Variants in CHP1 observed in about 807,000 individuals in gnomAD.
CHP1 encodes the protein calcineurin like EF-hand protein 1.
Under a neutral mutation model 27.4 loss-of-function variants are expected in CHP1, and 11 were observed. That is an observed-to-expected ratio of 0.40 (90% confidence interval 0.25 to 0.67). The LOEUF is 0.67. Ranked by LOEUF, CHP1 falls within the 30% of genes least tolerant of loss-of-function variation. CHP1 has a pLI of 0.38. For synonymous variants in CHP1, 89 were observed against 87.4 expected (o/e 1.02, Z -0.10); for missense variants, 169 against 251.3 (o/e 0.67, Z 2.22).
chr15:41,278,634 TTATTATGCAGTGCATGACTG>T, intron 5 of CHP1, 113 bp from the exon 6 acceptor site: 1 of 1,026,792 alleles, frequency 9.7e-7, no homozygotes, highest in Non-Finnish European at 1.4e-6. Flanking sequence ...AACCAAAACA[TTATTATGCAGTGCATGACTG>T]TATTTGAGGG....
chr15:41,276,086 C>T (rs2047518326), intron 5 of CHP1, among the ~76,000 whole-genome samples: 1 of 151,828 alleles, frequency 6.6e-6, no homozygotes, highest in African/African-American at 2.4e-5. Flanking sequence ...ACTAAAAATA[C>T]AAAAATTAGC....
chr15:41,258,907 G>C (rs949916711), intron 3 of CHP1, among the ~76,000 whole-genome samples: 1 of 152,186 alleles, frequency 6.6e-6, no homozygotes, highest in African/African-American at 2.4e-5. Context: ...TGAGAGCAAA[G>C]GAATTTGCTA....
intron 2 of CHP1, among the ~76,000 whole-genome samples, chr15:41,251,972 C>T (rs2047370779): frequency 6.6e-6 from 1 of 151,976 alleles, no homozygotes; most frequent in Admixed American, 6.6e-5. Context: ...AAACTCCTGA[C>T]CTCAGGCGAT....
chr15:41,258,101 T>C (rs901280759), intron 3 of CHP1, among the ~76,000 whole-genome samples: 5 of 152,204 alleles, frequency 3.3e-5, no homozygotes, highest in Non-Finnish European at 7.3e-5. Context: ...TATACATACA[T>C]ACATGCCTAC....
intron 3 of CHP1, among the ~76,000 whole-genome samples, chr15:41,262,010 A>T (rs1486120169): frequency 6.9e-6 from 1 of 145,952 alleles, no homozygotes; most frequent in African/African-American, 2.6e-5. Context: ...AAAAAAAAAA[A>T]TACAAAAAAT....
intron 2 of CHP1, among the ~76,000 whole-genome samples, chr15:41,252,932 T>G (rs1304733308): frequency 2.5e-5 from 3 of 119,222 alleles, no homozygotes; most frequent in South Asian, 3.1e-4. Flanking sequence ...ACATGGTTTT[T>G]TTTTTTTTTT....
chr15:41,253,148 A>G (rs1268582604), intron 2 of CHP1, among the ~76,000 whole-genome samples: 2 of 151,734 alleles, frequency 1.3e-5, no homozygotes, highest in African/African-American at 2.4e-5. Flanking sequence ...CATGTTGGCC[A>G]GGATGGTCTT....
intron 2 of CHP1, among the ~76,000 whole-genome samples, chr15:41,254,090 G>A (rs1374363699): frequency 6.6e-6 from 1 of 151,996 alleles, no homozygotes; most frequent in African/African-American, 2.4e-5. Context: ...GCCATACCCA[G>A]CCCTCTTTCT....
intron 2 of CHP1, 74 bp from the exon 3 acceptor site, chr15:41,256,836 T>C (rs2140933827): frequency 3.3e-6 from 4 of 1,221,864 alleles, no homozygotes; most frequent in East Asian, 2.3e-5. Flanking sequence ...GGTTACACCC[T>C]GTTACCTCCT....
At chr15:41,248,336 T>C (rs1011239220) in intron 2 of CHP1, among the ~76,000 whole-genome samples, 4 of 152,072 alleles carry the variant, frequency 2.6e-5, no homozygotes, top group Non-Finnish European at 5.9e-5. Flanking sequence ...TTTTTACTTT[T>C]AGCAAAAAAG....
At chr15:41,249,046 A>C (rs2047350302) in intron 2 of CHP1, among the ~76,000 whole-genome samples, 1 of 152,156 alleles carries the variant, frequency 6.6e-6, no homozygotes, top group African/African-American at 2.4e-5. Context: ...TAGTAGAATG[A>C]TCCAGTTCTC....
intron 2 of CHP1, among the ~76,000 whole-genome samples, chr15:41,249,511 C>T (rs757587102): frequency 2.5e-5 from 3 of 120,598 alleles, no homozygotes; most frequent in Non-Finnish European, 3.2e-5. Context: ...CTCGCTCTGT[C>T]GTCCAGGCTG....
intron 4 of CHP1, among the ~76,000 whole-genome samples, chr15:41,267,656 C>T (rs1227338786): frequency 6.7e-6 from 1 of 149,662 alleles, no homozygotes; most frequent in African/African-American, 2.5e-5. Context: ...AGCAAGACTC[C>T]GTCTCCCAAA....
intron 1 of CHP1, among the ~76,000 whole-genome samples, chr15:41,239,038 C>A (rs1245802404): frequency 6.6e-6 from 1 of 152,106 alleles, no homozygotes; most frequent in Admixed American, 6.6e-5. Context: ...GTTCCAGTAC[C>A]TTTCTACACA....
At chr15:41,275,303 C>A (rs1305627287) in intron 5 of CHP1, among the ~76,000 whole-genome samples, 1 of 151,812 alleles carries the variant, frequency 6.6e-6, no homozygotes, top group Non-Finnish European at 1.5e-5. Flanking sequence ...TACAGGTGCC[C>A]GCCACCATGC....
At chr15:41,270,474 G>T in intron 4 of CHP1, 83 bp from the exon 5 acceptor site, 1 of 1,009,874 alleles carries the variant, frequency 9.9e-7, no homozygotes, top group Non-Finnish European at 1.6e-6. Flanking sequence ...TCAGTTTTCT[G>T]TCTAGTGTCT....
chr15:41,249,348 T>C (rs1184223179), intron 2 of CHP1, among the ~76,000 whole-genome samples: 1 of 151,904 alleles, frequency 6.6e-6, no homozygotes, highest in African/African-American at 2.4e-5. Flanking sequence ...AGAGGAGGTC[T>C]CGCCATGTTC....
intron 1 of CHP1, among the ~76,000 whole-genome samples, chr15:41,236,708 C>T (rs1007429684): frequency 1.3e-5 from 2 of 152,140 alleles, no homozygotes; most frequent in Non-Finnish European, 2.9e-5. Flanking sequence ...TTGAAAGTTG[C>T]AGGTATTGGA....
rs1275198091 is a variant in CHP1, at chr15:41,279,468, AC to A, written c.*84del. The A allele has an allele frequency of 2.0e-5, 24 of 1,181,892 alleles. No individual in the cohort carries two copies. The African/African-American group carries it at 3.6e-4, about 18-fold the overall frequency. The allele number at this position is 1,181,892 out of a possible 1,614,324, so 73.2% of individuals were successfully genotyped here. A position where few individuals can be genotyped will look rare whatever the true frequency, so the allele number is the denominator to read the frequency against. On this transcript the variant is annotated 3_prime_UTR_variant, in exon 7 of 7. Transcript: ENST00000334660. ...TCCTCCTTCTACCAACTCCACCTCC[AC>A]CCCCTCATTCCCCTTCTCCCAAAGT...
Sources: allele counts gnomAD v4.1 joint callset (sites outside exome capture counted in the v4.1 genomes callset), GRCh38; gene constraint gnomAD v4.1.1; transcripts MANE v1.5; gene names NCBI Gene and HGNC (gene_info 2026-07-23, HGNC 2026-07-21).